Variants in CATSPERB observed in about 807,000 individuals in gnomAD.
CATSPERB encodes catsper channel auxiliary subunit beta.
CATSPERB carries 93 observed loss-of-function variants against 128.3 expected under a neutral mutation model. The ratio of observed to expected loss-of-function variants is 0.72; its 90% CI spans 0.61 to 0.86. The LOEUF is 0.86. Among genes scored for constraint, CATSPERB ranks in the 40% least tolerant of loss-of-function variants. The pLI, the probability that CATSPERB is intolerant of heterozygous loss-of-function variation, is 0.00. For missense variants in CATSPERB, 1,153 were observed against 1,329.5 expected, an observed-to-expected ratio of 0.87 and a Z score of 2.06; for synonymous variants, 381 against 448.8, an observed-to-expected ratio of 0.85 and a Z score of 1.91.
At chr14:91,595,434 T>C (rs942260942) in intron 22 of CATSPERB, among the ~76,000 whole-genome samples, 1 of 152,138 alleles carries the variant, frequency 6.6e-6, no homozygotes, top group African/African-American at 2.4e-5. Flanking sequence ...CCCAAGGTGC[T>C]GGGATTACAG....
chr14:91,654,947 A>G (rs1894762770), intron 15 of CATSPERB, among the ~76,000 whole-genome samples: 2 of 151,900 alleles, frequency 1.3e-5, no homozygotes, highest in Non-Finnish European at 2.9e-5. Flanking sequence ...AAGGTAAGAG[A>G]ACAAAAGTCT....
At chr14:91,714,926 T>C (rs1187407256) in intron 5 of CATSPERB, 1 of 152,468 alleles carries the variant, frequency 6.6e-6, no homozygotes, top group African/African-American at 2.4e-5. Flanking sequence ...CCACTCAAAC[T>C]GCATTCTCTC....
chr14:91,652,975 G>A (rs914605735), intron 15 of CATSPERB, among the ~76,000 whole-genome samples: 27 of 152,130 alleles, frequency 1.8e-4, no homozygotes, highest in African/African-American at 5.8e-4. Context: ...TGGAGAAATA[G>A]CATCAGGATT....
chr14:91,652,131 A>G (rs1279592017), intron 15 of CATSPERB, among the ~76,000 whole-genome samples: 2 of 152,298 alleles, frequency 1.3e-5, no homozygotes, highest in East Asian at 3.9e-4. Context: ...AAAAGATACC[A>G]TGAAGAAGAT....
chr14:91,671,750 G>A lies in CATSPERB; in HGVS notation c.1128+1117C>T, dbSNP rs145787709. Among the ~76,000 whole-genome samples the A allele has an allele frequency of 8.5e-4, 129 of 151,076 alleles. 1 individual carries two copies. In the East Asian group the frequency reaches 0.023, roughly 27 times the overall value. On this transcript the variant is annotated intron_variant, in intron 13 of 26. Transcript: ENST00000256343. ...TCACCTATTAAGATGGTACCTAACCGTCCAGGCTCGGTGGCTCACGCTTGT... is the reference window on the plus strand; with the variant it reads ...TCACCTATTAAGATGGTACCTAACCATCCAGGCTCGGTGGCTCACGCTTGT...
At chr14:91,699,667 G>A (rs1016130860) in intron 7 of CATSPERB, among the ~76,000 whole-genome samples, 13 of 150,736 alleles carry the variant, frequency 8.6e-5, no homozygotes, top group African/African-American at 2.9e-4. Flanking sequence ...TCTGCCTCCC[G>A]GGTTCAAGAG....
intron 14 of CATSPERB, among the ~76,000 whole-genome samples, chr14:91,660,346 G>T (rs1429822282): frequency 1.3e-5 from 2 of 152,128 alleles, no homozygotes; most frequent in African/African-American, 4.8e-5. Flanking sequence ...TGGGGGAGGG[G>T]TTTACCCCAT....
At chr14:91,677,504 T>G (rs1266552727) in intron 11 of CATSPERB, among the ~76,000 whole-genome samples, 1 of 152,080 alleles carries the variant, frequency 6.6e-6, no homozygotes, top group Non-Finnish European at 1.5e-5. Flanking sequence ...AAAACCACAA[T>G]GAGATACCAT....
At chr14:91,672,751 G>T in intron 13 of CATSPERB, 116 bp downstream of exon 13, 2 of 757,858 alleles carry the variant, frequency 2.6e-6, no homozygotes, top group South Asian at 2.5e-5. Flanking sequence ...TTTTGCTATA[G>T]CCAATTTTAT....
At chr14:91,727,625 C>T (rs1896139519) in intron 2 of CATSPERB, among the ~76,000 whole-genome samples, 1 of 152,170 alleles carries the variant, frequency 6.6e-6, no homozygotes, top group Non-Finnish European at 1.5e-5. Flanking sequence ...GCTATCAGAC[C>T]TATTTTTTAA....
chr14:91,591,715 A>G (rs959918932), intron 23 of CATSPERB, among the ~76,000 whole-genome samples, 177 bp downstream of exon 23: 13 of 152,122 alleles, frequency 8.5e-5, no homozygotes, highest in Non-Finnish European at 7.4e-5. Flanking sequence ...GATGAGGTTC[A>G]TTAACTTGCA....
At chr14:91,649,348 TG>T (rs1894664084) in intron 15 of CATSPERB, among the ~76,000 whole-genome samples, 1 of 151,646 alleles carries the variant, frequency 6.6e-6, no homozygotes. Flanking sequence ...TGTGTGTGTG[TG>T]TGTGTGTGTG....
At chr14:91,626,884 G>T (rs1894174429) in intron 17 of CATSPERB, among the ~76,000 whole-genome samples, 1 of 152,146 alleles carries the variant, frequency 6.6e-6, no homozygotes. Flanking sequence ...CACAATCCAT[G>T]AAAGAGAAAA....
intron 22 of CATSPERB, chr14:91,604,426 C>T (rs59280631): frequency 2.3e-6 from 3 of 1,281,852 alleles, no homozygotes; most frequent in Non-Finnish European, 3.4e-6. Context: ...GTTGCATGTT[C>T]GTGGAGTAGT....
intron 3 of CATSPERB, among the ~76,000 whole-genome samples, chr14:91,724,084 A>G (rs1896079861): frequency 6.6e-6 from 1 of 152,236 alleles, no homozygotes; most frequent in Admixed American, 6.5e-5. Flanking sequence ...ATGAACATTA[A>G]ACTTTTTTTT....
In CATSPERB at chr14:91,604,267, G is replaced by A. The variant is rs932766883; in HGVS notation, c.2709+4027C>T. 8.0e-5 allele frequency: 52 copies of A among 646,986 alleles called. No individual in the cohort carries two copies. In the East Asian group the frequency reaches 8.9e-4, roughly 11 times the overall value. The allele number at this position is 646,986 out of a possible 1,614,324, so 40.1% of individuals were successfully genotyped here. On this transcript the variant is annotated intron_variant, in intron 22 of 26. Transcript: ENST00000256343. ...ACCATACCCCACCCTCCATCACATT[G>A]ACTGGATAGGCATAATGGAAACCAG...
chr14:91,710,788 C>G (rs918480773), intron 5 of CATSPERB, among the ~76,000 whole-genome samples: 3 of 152,276 alleles, frequency 2.0e-5, no homozygotes, highest in South Asian at 2.1e-4. Context: ...TTTCATGGAG[C>G]CTTTCCTGTA....
At chr14:91,612,954 A>G (rs1893863522) in intron 20 of CATSPERB, among the ~76,000 whole-genome samples, 1 of 152,218 alleles carries the variant, frequency 6.6e-6, no homozygotes, top group Admixed American at 6.5e-5. Flanking sequence ...TAAAAGACTT[A>G]AAAGATAAAC....
intron 10 of CATSPERB, among the ~76,000 whole-genome samples, chr14:91,684,558 C>T (rs1359330424): frequency 6.7e-6 from 1 of 150,254 alleles, no homozygotes; most frequent in Non-Finnish European, 1.5e-5. Flanking sequence ...GTGCAAAAGC[C>T]TTTGCTGATA....
Sources: allele counts gnomAD v4.1 joint callset (sites outside exome capture counted in the v4.1 genomes callset), GRCh38; gene constraint gnomAD v4.1.1; transcripts MANE v1.5; gene names NCBI Gene and HGNC (gene_info 2026-07-23, HGNC 2026-07-21).